Variants in ADAMTS12 observed in about 807,000 individuals in gnomAD.
ADAMTS12 encodes the protein ADAM metallopeptidase with thrombospondin type 1 motif 12.
A neutral mutation model predicts 167.8 loss-of-function variants in ADAMTS12; 118 were observed. The observed-to-expected ratio is 0.70, with a 90% CI of 0.61 to 0.82. The LOEUF (loss-of-function observed/expected upper bound fraction) is 0.82, where lower values mean the gene tolerates loss of function less well. ADAMTS12 is among the 40% of genes least tolerant of loss of function. ADAMTS12 has a pLI of 0.00. For missense variants in ADAMTS12, 1,916 were observed against 1,998.8 expected (o/e 0.96, Z 0.79); for synonymous variants, 704 against 716.9 (o/e 0.98, Z 0.29).
intron 2 of ADAMTS12, among the ~76,000 whole-genome samples, chr5:33,847,899 G>T (rs1749008209): frequency 6.6e-6 from 1 of 152,004 alleles, no homozygotes; most frequent in Admixed American, 6.6e-5. Flanking sequence ...TGTTTCCAAG[G>T]ATATCCTCTC....
At chr5:33,750,076 C>A (rs925868469) in intron 3 of ADAMTS12, among the ~76,000 whole-genome samples, 4 of 152,140 alleles carry the variant, frequency 2.6e-5, no homozygotes, top group Admixed American at 1.3e-4. Flanking sequence ...GGGCAATTAT[C>A]CAGGTGACTG....
chr5:33,859,979 G>T (rs1004234182), intron 2 of ADAMTS12, among the ~76,000 whole-genome samples: 2 of 152,156 alleles, frequency 1.3e-5, no homozygotes, highest in African/African-American at 2.4e-5. Context: ...CAACAAAAAG[G>T]TCATCCAAAC....
intron 17 of ADAMTS12, 56 bp downstream of exon 17, chr5:33,595,878 G>A: frequency 1.2e-6 from 2 of 1,605,400 alleles, no homozygotes; most frequent in South Asian, 1.1e-5. Context: ...GGTCACTCTT[G>A]AGTCAGACAT....
At chr5:33,585,915 G>A (rs1747323511) in intron 18 of ADAMTS12, among the ~76,000 whole-genome samples, 2 of 152,080 alleles carry the variant, frequency 1.3e-5, no homozygotes, top group East Asian at 3.9e-4. Flanking sequence ...TGCTTGAGTT[G>A]GTGGAGTGCT....
At chr5:33,826,757 T>A (rs1748086657) in intron 2 of ADAMTS12, among the ~76,000 whole-genome samples, 1 of 151,974 alleles carries the variant, frequency 6.6e-6, no homozygotes, top group Non-Finnish European at 1.5e-5. Context: ...AAATAAACAA[T>A]AAGCACTAAA....
intron 20 of ADAMTS12, 58 bp from the exon 21 acceptor site, chr5:33,549,441 C>T (rs1745149054): frequency 7.0e-6 from 11 of 1,572,400 alleles, no homozygotes; most frequent in Non-Finnish European, 9.5e-6. Flanking sequence ...GGCCTCCCTT[C>T]CTTCCCCTCA....
rs1038043575 is a variant in ADAMTS12, at chr5:33,766,333, C to A, written c.490-14785G>T. Among the ~76,000 whole-genome samples the A allele has an allele frequency of 9.2e-5, 14 of 152,118 alleles. No individual in the cohort carries two copies. In the East Asian group the frequency reaches 2.7e-3, roughly 29 times the overall value. On this transcript the variant is annotated intron_variant, in intron 2 of 23. Coordinates refer to ENST00000504830, the MANE Select transcript of ADAMTS12 (RefSeq NM_030955.4). The stretch of plus-strand genomic sequence containing the variant: ...TCCAAAATCCATAACCCCAGTCTAA[C>A]CATGAGAAAAACATTGGACAAATCA...
intron 19 of ADAMTS12, among the ~76,000 whole-genome samples, chr5:33,570,037 G>A (rs550788144): frequency 6.6e-6 from 1 of 152,270 alleles, no homozygotes; most frequent in Non-Finnish European, 1.5e-5. Context: ...AAGAAGGGAA[G>A]TTTAGAGAAA....
intron 2 of ADAMTS12, among the ~76,000 whole-genome samples, chr5:33,846,311 A>T (rs1748942803): frequency 6.6e-6 from 1 of 152,196 alleles, no homozygotes; most frequent in African/African-American, 2.4e-5. Context: ...TGATTAACTG[A>T]ATTCTTCTGT....
At chr5:33,842,394 T>C (rs1748776730) in intron 2 of ADAMTS12, among the ~76,000 whole-genome samples, 1 of 152,182 alleles carries the variant, frequency 6.6e-6, no homozygotes, top group Non-Finnish European at 1.5e-5. Context: ...CATGGTAAAA[T>C]AGAATTTGCT....
rs1162776956 is a variant in ADAMTS12 at position 33,696,926 on chromosome 5, G to C, written c.635-12871C>G. Among the ~76,000 whole-genome samples the C allele has an allele frequency of 3.9e-5, 6 of 152,206 alleles. No homozygotes were observed. In the East Asian group the frequency reaches 1.2e-3, roughly 29 times the overall value. ...GTGAAATGCTGTTCTCCACAGTTCA[G>C]CTTGCTTTTTTGGACTATACATTTT... On this transcript the variant is annotated intron_variant, in intron 3 of 23. Transcript: ENST00000504830.
chr5:33,624,519 C>A (rs535271290), intron 13 of ADAMTS12, among the ~76,000 whole-genome samples, 168 bp from the exon 14 acceptor site: 2 of 152,298 alleles, frequency 1.3e-5, no homozygotes, highest in South Asian at 4.1e-4. Context: ...ATCCAAGCAT[C>A]CACCAATGGT....
chr5:33,785,895 C>T (rs1403755689), intron 2 of ADAMTS12, among the ~76,000 whole-genome samples: 3 of 152,074 alleles, frequency 2.0e-5, no homozygotes, highest in African/African-American at 7.2e-5. Context: ...TTATAATAGC[C>T]CCACATTAGA....
intron 2 of ADAMTS12, among the ~76,000 whole-genome samples, chr5:33,804,665 A>C (rs1360698967): frequency 2.6e-5 from 4 of 152,228 alleles, no homozygotes; most frequent in Non-Finnish European, 5.9e-5. Context: ...TTGATAAAAT[A>C]TTTGCAATGC....
At chr5:33,628,652 T>C (rs1461960188) in intron 13 of ADAMTS12, among the ~76,000 whole-genome samples, 3 of 152,206 alleles carry the variant, frequency 2.0e-5, no homozygotes, top group Admixed American at 2.0e-4. Context: ...CATATACTTT[T>C]ATGTAATACA....
chr5:33,546,282 A>T, intron 21 of ADAMTS12, 80 bp from the exon 22 acceptor site: 1 of 1,371,074 alleles, frequency 7.3e-7, no homozygotes, highest in Non-Finnish European at 9.8e-7. Flanking sequence ...TCGTACTGTC[A>T]TTTTTGTTAT....
chr5:33,798,112 T>C (rs1338379651), intron 2 of ADAMTS12, among the ~76,000 whole-genome samples: 1 of 152,132 alleles, frequency 6.6e-6, no homozygotes, highest in African/African-American at 2.4e-5. Context: ...AACAAGTACA[T>C]TTTAAGTTAT....
At chr5:33,765,413 G>A (rs1179983329) in intron 2 of ADAMTS12, among the ~76,000 whole-genome samples, 1 of 152,084 alleles carries the variant, frequency 6.6e-6, no homozygotes, top group Non-Finnish European at 1.5e-5. Flanking sequence ...TTTTGCATTG[G>A]TTCTGTCTTT....
intron 9 of ADAMTS12, among the ~76,000 whole-genome samples, chr5:33,646,006 G>A (rs954693222): frequency 1.3e-5 from 2 of 152,126 alleles, no homozygotes; most frequent in African/African-American, 4.8e-5. Context: ...TTTAAGCTGA[G>A]GCTCAAATGA....
Sources: gnomAD v4.1 joint callset for allele counts (sites outside exome capture counted in the v4.1 genomes callset) on GRCh38, gnomAD v4.1.1 for gene constraint, MANE v1.5 for transcripts, NCBI Gene and HGNC (gene_info 2026-07-23, HGNC 2026-07-21) for gene names.